TENM4: variants seen among roughly 807,000 people sequenced by gnomAD.
TENM4 encodes the protein teneurin transmembrane protein 4, also known as teneurin-4.
In TENM4, 82 loss-of-function variants were observed where a neutral mutation model predicts 243.3. The ratio of observed to expected loss-of-function variants is 0.34; its 90% CI spans 0.28 to 0.40. TENM4 has a LOEUF of 0.40. Ranked by LOEUF, TENM4 falls within the 10% of genes least tolerant of loss-of-function variation. TENM4 has a pLI of 1.00. For synonymous variants in TENM4, 1,412 were observed against 1,456.3 expected (o/e 0.97, Z 0.69); for missense variants, 3,138 against 3,673.3 (o/e 0.85, Z 3.77).
intron 3 of TENM4, among the ~76,000 whole-genome samples, chr11:79,161,758 A>C (rs1010654355): frequency 3.9e-5 from 6 of 152,216 alleles, no homozygotes; most frequent in African/African-American, 1.4e-4. Flanking sequence ...AAAGGAGTTC[A>C]ACCTTTATCT....
At position 79,105,284 on chromosome 11, in the gene TENM4, TACA is replaced by T. The variant is rs1202231538; in HGVS notation, c.-65-35278_-65-35276del. On this transcript the variant is annotated intron_variant, in intron 4 of 33. Coordinates refer to ENST00000278550, the MANE Select transcript of TENM4 (RefSeq NM_001098816.3). ...TCTAGTTGAGCTGAAATCTATTAAATACAACAACTTCCCATCACCTGTGTGCTC... is the reference window on the plus strand; with the variant it reads ...TCTAGTTGAGCTGAAATCTATTAAATACAACTTCCCATCACCTGTGTGCTC... 2.0e-5 allele frequency among the ~76,000 whole-genome samples: 3 copies of T among 152,226 alleles called. No homozygotes were observed. In the East Asian group the frequency reaches 5.8e-4, roughly 29 times the overall value.
At chr11:78,897,937 A>C (rs149667465) in intron 7 of TENM4, among the ~76,000 whole-genome samples, 239 of 152,298 alleles carry the variant, frequency 1.6e-3, no homozygotes, top group Admixed American at 3.2e-3. Flanking sequence ...AGATGAGATG[A>C]GCTGGAGCCA....
At chr11:79,247,146 G>T (rs1279162569) in intron 2 of TENM4, among the ~76,000 whole-genome samples, 2 of 151,984 alleles carry the variant, frequency 1.3e-5, no homozygotes, top group African/African-American at 4.8e-5. Context: ...GCCAGGTGCG[G>T]TGTCTCACGC....
intron 4 of TENM4, among the ~76,000 whole-genome samples, chr11:79,125,084 G>T (rs1216435672): frequency 6.6e-6 from 1 of 151,808 alleles, no homozygotes; most frequent in African/African-American, 2.4e-5. Context: ...ACCCCAAAAT[G>T]CTAAGGACTC....
At chr11:78,840,680 G>A (rs188522497) in intron 12 of TENM4, among the ~76,000 whole-genome samples, 1 of 152,304 alleles carries the variant, frequency 6.6e-6, no homozygotes. Context: ...AGAAGTGTCA[G>A]GGAGTGACAA....
chr11:78,869,717 G>A (rs1029076190), intron 9 of TENM4, among the ~76,000 whole-genome samples: 3 of 152,062 alleles, frequency 2.0e-5, no homozygotes, highest in Non-Finnish European at 2.9e-5. Flanking sequence ...TTTGAACCCC[G>A]ATCTAAAAAC....
At chr11:78,762,862 T>G (rs989646670) in intron 18 of TENM4, among the ~76,000 whole-genome samples, 17 of 152,298 alleles carry the variant, frequency 1.1e-4, no homozygotes, top group African/African-American at 3.6e-4. Context: ...GATGACAAAT[T>G]TTAGAAGATT....
rs951098398 is a variant in TENM4, at chr11:79,059,863, C to T, written c.493+4875G>A. Among the ~76,000 whole-genome samples the T allele has an allele frequency of 2.0e-5, 3 of 152,278 alleles. No individual in the cohort carries two copies. In the East Asian group the frequency reaches 5.8e-4, roughly 29 times the overall value. On this transcript the variant is annotated intron_variant, in intron 6 of 33. Coordinates refer to ENST00000278550, the MANE Select transcript of TENM4 (RefSeq NM_001098816.3). ...GATCTCAGAGCTTAGACTGGGGCAA[C>T]CAGGACTTGAGGCCAGGTCTCCACA...
rs7935225 is a variant in TENM4 at position 79,135,949 on chromosome 11, C to T, written c.-66+12761G>A. On this transcript the variant is annotated intron_variant, in intron 4 of 33. Coordinates refer to ENST00000278550, the MANE Select transcript of TENM4 (RefSeq NM_001098816.3). ...AGAAACTCAGGAATGGAAAACCAAACATTGTATGTTCTCACTGGTATGAGG... is the reference window on the plus strand; with the variant it reads ...AGAAACTCAGGAATGGAAAACCAAATATTGTATGTTCTCACTGGTATGAGG... Among the ~76,000 whole-genome samples, 782 of 151,822 alleles carry T rather than the reference C, an allele frequency of 5.2e-3. 5 individuals are homozygous for T. Among genetic ancestry groups the T allele is most frequent in the African/African-American group, 0.016 (644 of 41,424 alleles).
At chr11:79,105,883 G>T (rs1231101198) in intron 4 of TENM4, among the ~76,000 whole-genome samples, 1 of 150,238 alleles carries the variant, frequency 6.7e-6, no homozygotes, top group African/African-American at 2.5e-5. Context: ...ATGGTGCTAG[G>T]AGATGCTAAT....
At chr11:78,930,382 T>G (rs1052234210) in intron 6 of TENM4, among the ~76,000 whole-genome samples, 3 of 152,162 alleles carry the variant, frequency 2.0e-5, no homozygotes, top group African/African-American at 7.2e-5. Context: ...TCCCCTTGAT[T>G]AGAGAGTTAG....
At chr11:79,130,414 C>T (rs1229342817) in intron 4 of TENM4, among the ~76,000 whole-genome samples, 3 of 151,406 alleles carry the variant, frequency 2.0e-5, no homozygotes, top group African/African-American at 7.3e-5. Flanking sequence ...AAAAAGAAGT[C>T]AGGAGGTTAG....
At chr11:79,112,628 C>T (rs1861531151) in intron 4 of TENM4, among the ~76,000 whole-genome samples, 1 of 152,162 alleles carries the variant, frequency 6.6e-6, no homozygotes, top group African/African-American at 2.4e-5. Flanking sequence ...GCTCTGGCTT[C>T]AGTGACTTCC....
At chr11:79,208,100 T>C (rs1019038223) in intron 3 of TENM4, among the ~76,000 whole-genome samples, 1 of 152,054 alleles carries the variant, frequency 6.6e-6, no homozygotes, top group Admixed American at 6.5e-5. Context: ...TGCTCTAGAA[T>C]TCCTAGAGCA....
intron 9 of TENM4, among the ~76,000 whole-genome samples, chr11:78,886,338 T>C (rs1855549198): frequency 1.3e-5 from 2 of 152,240 alleles, no homozygotes; most frequent in Admixed American, 6.5e-5. Context: ...ATTAATTTGA[T>C]TTTTAATAAT....
intron 12 of TENM4, among the ~76,000 whole-genome samples, chr11:78,835,729 T>C (rs991024687): frequency 6.6e-6 from 1 of 152,182 alleles, no homozygotes; most frequent in Non-Finnish European, 1.5e-5. Flanking sequence ...GTCATGTACT[T>C]AATATAAACC....
chr11:79,026,394 A>G (rs1859078752), intron 6 of TENM4, among the ~76,000 whole-genome samples: 1 of 152,122 alleles, frequency 6.6e-6, no homozygotes, highest in Non-Finnish European at 1.5e-5. Context: ...GGGAACTAAC[A>G]ATTGCCCAAG....
intron 4 of TENM4, among the ~76,000 whole-genome samples, chr11:79,129,069 G>A (rs1467171555): frequency 6.6e-6 from 1 of 152,186 alleles, no homozygotes; most frequent in Non-Finnish European, 1.5e-5. Context: ...AGGGGGAAAG[G>A]GAGAGCCTCC....
rs1555067557 is a variant in TENM4 at position 78,704,024 on chromosome 11, CAT to C, written c.4210-1623_4210-1622del. On this transcript the variant is annotated intron_variant, in intron 27 of 33. Coordinates refer to ENST00000278550, the MANE Select transcript of TENM4 (RefSeq NM_001098816.3). ...GTGCCACCACACACACACACACACA[CAT>C]ATATATATACACACACACACACACA... is the stretch of plus-strand genomic sequence containing the variant. Among the ~76,000 whole-genome samples the C allele has an allele frequency of 6.4e-3, 826 of 128,996 alleles. 1 individual carries two copies. The highest frequency in any genetic ancestry group is 9.1e-3 in the Admixed American group (119 of 13,130). The allele number at this position is 128,996 out of a possible 152,430, so 84.6% of individuals were successfully genotyped here.
Sources: gnomAD v4.1 joint callset for allele counts (sites outside exome capture counted in the v4.1 genomes callset) on GRCh38, gnomAD v4.1.1 for gene constraint, MANE v1.5 for transcripts, NCBI Gene and HGNC (gene_info 2026-07-23, HGNC 2026-07-21) for gene names.